The following DOCK4 variants were observed in gnomAD, a reference collection of about 807,000 sequenced individuals.
DOCK4 encodes dedicator of cytokinesis 4.
Under a neutral mutation model 268.1 loss-of-function variants are expected in DOCK4, and 97 were observed. The ratio of observed to expected loss-of-function variants is 0.36; its 90% CI spans 0.31 to 0.43. The LOEUF (loss-of-function observed/expected upper bound fraction) is 0.43, where lower values mean the gene tolerates loss of function less well. Among genes scored for constraint, DOCK4 ranks in the 20% least tolerant of loss-of-function variants. DOCK4 has a pLI of 1.00. For missense variants in DOCK4, 2,145 were observed against 2,455.7 expected (o/e 0.87, Z 2.67); for synonymous variants, 954 against 887.2 (o/e 1.08, Z -1.34).
chr7:111,935,722 A>G (rs1794690496), intron 11 of DOCK4, 94 bp from the exon 12 acceptor site: 13 of 1,073,826 alleles, frequency 1.2e-5, no homozygotes, highest in Admixed American at 2.0e-5. Context: ...TATAACCACT[A>G]TAATGTACCT....
chr7:111,876,320 A>G (rs2134259733), intron 17 of DOCK4, among the ~76,000 whole-genome samples: 1 of 152,286 alleles, frequency 6.6e-6, no homozygotes, highest in African/African-American at 2.4e-5. Context: ...ATTTCCTTCT[A>G]CAAATGCTGT....
intron 1 of DOCK4, among the ~76,000 whole-genome samples, chr7:112,151,120 A>G (rs968748558): frequency 6.6e-5 from 10 of 152,084 alleles, no homozygotes; most frequent in African/African-American, 2.2e-4. Flanking sequence ...TTCCTAGGAG[A>G]TATGATGTAA....
Position 111,935,646 on chromosome 7 carries a change from C to A in DOCK4, c.978-18G>T. On this transcript the variant is annotated intron_variant, in intron 11 of 52. Coordinates refer to ENST00000428084, the MANE Select transcript of DOCK4 (RefSeq NM_001363540.2). ...TGTTACACCTATGAAAACATTAACA[C>A]TCTGTTAAGCTTTAATGATGCATGC... 1.2e-6 allele frequency: 2 copies of A among 1,600,810 alleles called. No homozygotes were observed. The highest frequency in any genetic ancestry group is 1.7e-6 in the Non-Finnish European group (2 of 1,168,368).
chr7:111,933,157 C>T lies in DOCK4; in HGVS notation c.1066+2383G>A, dbSNP rs1317621816. Among the ~76,000 whole-genome samples the T allele has an allele frequency of 3.1e-4, 43 of 139,178 alleles. 1 individual carries two copies. The highest frequency in any genetic ancestry group is 9.2e-4 in the African/African-American group (34 of 37,040). 91.3% of individuals were successfully genotyped at this position (139,178 alleles called of 152,430 possible). A position where few individuals can be genotyped will look rare whatever the true frequency, so the allele number is the denominator to read the frequency against. On this transcript the variant is annotated intron_variant, in intron 12 of 52. Coordinates refer to ENST00000428084, the MANE Select transcript of DOCK4 (RefSeq NM_001363540.2). Reference sequence around the variant, plus strand: ...ATATACACATATATATACGTATATACACATATATACGTATATACACATATA... The same window carrying T: ...ATATACACATATATATACGTATATATACATATATACGTATATACACATATA...
chr7:112,030,996 A>C (rs1044985984), intron 1 of DOCK4, among the ~76,000 whole-genome samples: 1 of 152,244 alleles, frequency 6.6e-6, no homozygotes, highest in Non-Finnish European at 1.5e-5. Flanking sequence ...AGTGTAACAT[A>C]GTGAAGCTAT....
chr7:111,980,719 AAAATGTCTCCAGACAATGCC>A (rs1285176017), intron 7 of DOCK4, among the ~76,000 whole-genome samples: 1 of 152,188 alleles, frequency 6.6e-6, no homozygotes, highest in Non-Finnish European at 1.5e-5. Context: ...GTGACAACGA[AAAATGTCTCCAGACAATGCC>A]AAATATCCCC....
intron 40 of DOCK4, among the ~76,000 whole-genome samples, 174 bp downstream of exon 40, chr7:111,760,007 C>A (rs1260292444): frequency 6.6e-6 from 1 of 152,084 alleles, no homozygotes; most frequent in African/African-American, 2.4e-5. Flanking sequence ...ATAAATAGAA[C>A]AATTAAGTTC....
chr7:111,948,548 A>G (rs970041776), intron 8 of DOCK4, among the ~76,000 whole-genome samples: 1 of 152,132 alleles, frequency 6.6e-6, no homozygotes, highest in Non-Finnish European at 1.5e-5. Flanking sequence ...GCAGGTTTCA[A>G]AGAGGTCTTT....
At chr7:111,793,463 G>C (rs1799688978) in intron 30 of DOCK4, among the ~76,000 whole-genome samples, 1 of 152,208 alleles carries the variant, frequency 6.6e-6, no homozygotes, top group Non-Finnish European at 1.5e-5. Context: ...TACATGTTTT[G>C]ATAAGGAACA....
chr7:111,799,223 C>G (rs1327848706), intron 30 of DOCK4, among the ~76,000 whole-genome samples: 1 of 152,178 alleles, frequency 6.6e-6, no homozygotes. Context: ...TTGCCAGGCT[C>G]CAGCCAATGG....
Position 112,115,839 on chromosome 7 carries a change from C to A in DOCK4, c.37+90263G>T, listed in dbSNP as rs191882212. Among the ~76,000 whole-genome samples, 715 of 152,212 alleles carry A rather than the reference C, an allele frequency of 4.7e-3. 5 individuals are homozygous for A. The highest frequency in any genetic ancestry group is 0.017 in the African/African-American group (688 of 41,540). On this transcript the variant is annotated intron_variant, in intron 1 of 52. Transcript: ENST00000428084. Reference sequence around the variant, plus strand: ...AGGACTACAGGTACAAGTCAAAATGCCCAGATTATTTTTTACTTTTTGTAG... The same window carrying A: ...AGGACTACAGGTACAAGTCAAAATGACCAGATTATTTTTTACTTTTTGTAG...
chr7:111,942,511 G>A (rs1389594079), intron 10 of DOCK4, among the ~76,000 whole-genome samples: 6 of 151,926 alleles, frequency 3.9e-5, no homozygotes, highest in South Asian at 2.1e-4. Flanking sequence ...TCTCTTCACC[G>A]CCTTGCCTCT....
intron 1 of DOCK4, among the ~76,000 whole-genome samples, chr7:112,079,562 T>C (rs1328926426): frequency 2.0e-5 from 3 of 151,974 alleles, no homozygotes; most frequent in African/African-American, 7.3e-5. Context: ...AAGCTGAGAG[T>C]TGAATGAGGA....
chr7:111,885,770 C>T (rs1188690952), intron 16 of DOCK4, among the ~76,000 whole-genome samples: 1 of 152,176 alleles, frequency 6.6e-6, no homozygotes, highest in South Asian at 2.1e-4. Context: ...CCTTGCTTTA[C>T]TATACTTGGA....
In DOCK4 at chr7:111,739,402, C is replaced by T. The variant is rs1004577540; in HGVS notation, c.5116G>A (p.Ala1706Thr). Residue 1706 changes from alanine (A) to threonine (T), a missense_variant, in exon 48 of 53, where the codon GCC (alanine) becomes ACC (threonine). By Grantham distance (58) the Ala-to-Thr change is moderately conservative (BLOSUM62 0). Around this residue, in one of 2 missense-constraint regions of DOCK4, gnomAD observed 547 missense variants for 469.0 expected, o/e 1.17. Coordinates refer to ENST00000428084, the MANE Select transcript of DOCK4 (RefSeq NM_001363540.2). ...CCCACACTCTGGCACTGACCTCTGGCACTCGATGGAGCAGAACTTGTCACA... is the reference window on the plus strand; with the variant it reads ...CCCACACTCTGGCACTGACCTCTGGTACTCGATGGAGCAGAACTTGTCACA... ...PNVTSSAPSS[A>T]RASPLLSDKH... The T allele has an allele frequency of 1.3e-6, 2 of 1,588,944 alleles. No homozygotes were observed. The highest frequency in any genetic ancestry group is 2.7e-5 in the African/African-American group (2 of 74,366).
intron 12 of DOCK4, among the ~76,000 whole-genome samples, chr7:111,934,532 T>TTTTTTTTTTTTTTG (rs1794546317): frequency 7.1e-6 from 1 of 141,434 alleles, no homozygotes; most frequent in African/African-American, 2.7e-5. Flanking sequence ...TGTTTTTTTT[T>TTTTTTTTTTTTTTG]TTTTTTTTTT....
At chr7:111,949,319 G>A (rs913200701) in intron 8 of DOCK4, among the ~76,000 whole-genome samples, 2 of 152,110 alleles carry the variant, frequency 1.3e-5, no homozygotes. Flanking sequence ...CTTTAACACT[G>A]ACATAAAATC....
At chr7:112,119,834 T>C (rs2115871184) in intron 1 of DOCK4, among the ~76,000 whole-genome samples, 2 of 150,958 alleles carry the variant, frequency 1.3e-5, no homozygotes, top group Middle Eastern at 3.4e-3. Context: ...TAGTGCTCAA[T>C]AAATGGGTAG....
At chr7:111,822,997 C>G (rs1802108024) in intron 26 of DOCK4, among the ~76,000 whole-genome samples, 3 of 152,116 alleles carry the variant, frequency 2.0e-5, no homozygotes, top group African/African-American at 7.2e-5. Context: ...AGTGAATTTT[C>G]CAGAGTGTGC....
Sources: allele counts gnomAD v4.1 joint callset (sites outside exome capture counted in the v4.1 genomes callset), GRCh38; gene constraint gnomAD v4.1.1; regional missense constraint gnomAD v4.1.1; transcripts MANE v1.5; gene names NCBI Gene and HGNC (gene_info 2026-07-23, HGNC 2026-07-21).